NAALADL2: variants seen among roughly 807,000 people sequenced by gnomAD.
The protein encoded by NAALADL2 is inactive N-acetylated-alpha-linked acidic dipeptidase-like protein 2.
In NAALADL2, 76 loss-of-function variants were observed where a neutral mutation model predicts 87.2. The ratio of observed to expected loss-of-function variants is 0.87; its 90% confidence interval spans 0.72 to 1.05. The LOEUF (loss-of-function observed/expected upper bound fraction) is 1.05. Among genes scored for constraint, NAALADL2 ranks in the 50% least tolerant of loss-of-function variants. NAALADL2 has a pLI of 0.00. For synonymous variants in NAALADL2, 354 were observed against 331.0 expected (o/e 1.07, Z -0.75); for missense variants, 1,089 against 945.8 (o/e 1.15, Z -1.99).
intron 1 of NAALADL2, among the ~76,000 whole-genome samples, chr3:174,915,242 G>C (rs1405095821): frequency 6.6e-6 from 1 of 152,100 alleles, no homozygotes; most frequent in Non-Finnish European, 1.5e-5. Flanking sequence ...CAGAGGAGGT[G>C]TCATATTGTC....
At chr3:174,887,386 C>T (rs896478136) in intron 1 of NAALADL2, among the ~76,000 whole-genome samples, 6 of 130,792 alleles carry the variant, frequency 4.6e-5, no homozygotes, top group Non-Finnish European at 1.1e-4. Context: ...TGGTATTAAT[C>T]AATTATATAT....
At chr3:175,571,000 A>G (rs957297956) in intron 9 of NAALADL2, among the ~76,000 whole-genome samples, 1 of 152,076 alleles carries the variant, frequency 6.6e-6, no homozygotes, top group Non-Finnish European at 1.5e-5. Context: ...TTTCCTGTGC[A>G]TGTAGAGTAA....
At chr3:174,712,146 CAT>C (rs757896823) in intron 2 of NAALADL2, among the ~76,000 whole-genome samples, 1 of 152,072 alleles carries the variant, frequency 6.6e-6, no homozygotes, top group Non-Finnish European at 1.5e-5. Flanking sequence ...TGTCCCCAAA[CAT>C]AAACTCATTA....
intron 1 of NAALADL2, among the ~76,000 whole-genome samples, chr3:174,942,108 T>C (rs1422122904): frequency 1.3e-5 from 2 of 151,948 alleles, no homozygotes; most frequent in African/African-American, 2.4e-5. Flanking sequence ...TCTGTGTGTT[T>C]ATGCAAGTTT....
chr3:174,765,662 G>C (rs908482451), intron 3 of NAALADL2, among the ~76,000 whole-genome samples: 5 of 151,990 alleles, frequency 3.3e-5, no homozygotes, highest in African/African-American at 1.2e-4. Flanking sequence ...TTTGAATACA[G>C]GATTTATTTT....
chr3:175,358,123 T>A (rs1764589546), intron 5 of NAALADL2, among the ~76,000 whole-genome samples: 1 of 152,174 alleles, frequency 6.6e-6, no homozygotes, highest in Non-Finnish European at 1.5e-5. Flanking sequence ...TTTCATAAAG[T>A]TCATAGAGCT....
At chr3:175,476,200 T>C (rs1456120115) in intron 9 of NAALADL2, among the ~76,000 whole-genome samples, 1 of 152,174 alleles carries the variant, frequency 6.6e-6, no homozygotes. Context: ...AGCTCCTAAC[T>C]TGTCTATAGT....
intron 2 of NAALADL2, among the ~76,000 whole-genome samples, chr3:174,628,230 C>A (rs1721762630): frequency 6.6e-6 from 1 of 152,088 alleles, no homozygotes; most frequent in Non-Finnish European, 1.5e-5. Context: ...GTAATCCCAG[C>A]ACTTTGGGAG....
intron 11 of NAALADL2, among the ~76,000 whole-genome samples, chr3:175,657,049 G>A (rs1046270742): frequency 3.3e-5 from 5 of 152,040 alleles, no homozygotes; most frequent in Non-Finnish European, 7.4e-5. Context: ...GAAAACTAAA[G>A]GATCTATATG....
intron 4 of NAALADL2, among the ~76,000 whole-genome samples, chr3:175,268,942 AT>A (rs71164626): frequency 0.045 from 6,437 of 142,976 alleles, 410 homozygotes; most frequent in African/African-American, 0.15. Context: ...TAACTATTTA[AT>A]TTTTTTTTTT....
chr3:175,126,066 T>C (rs914345276), intron 2 of NAALADL2, among the ~76,000 whole-genome samples: 1 of 152,036 alleles, frequency 6.6e-6, no homozygotes, highest in South Asian at 2.1e-4. Context: ...CATAAAACAA[T>C]GAGATCTGGC....
intron 10 of NAALADL2, among the ~76,000 whole-genome samples, chr3:175,578,570 TTTATTATTAAC>T (rs1235133265): frequency 2.0e-5 from 3 of 152,204 alleles, no homozygotes; most frequent in Non-Finnish European, 4.4e-5. Flanking sequence ...TAAATTAGCT[TTTATTATTAAC>T]TCTGTTCATG....
At chr3:175,143,933 G>T (rs565614790) in intron 2 of NAALADL2, among the ~76,000 whole-genome samples, 2 of 151,722 alleles carry the variant, frequency 1.3e-5, no homozygotes, top group Non-Finnish European at 2.9e-5. Context: ...ATACATTATT[G>T]TAGAAACAAT....
At chr3:175,069,968 C>T (rs2109139648) in intron 1 of NAALADL2, among the ~76,000 whole-genome samples, 1 of 144,680 alleles carries the variant, frequency 6.9e-6, no homozygotes, top group East Asian at 2.1e-4. Context: ...ACAATGAGAA[C>T]ACATGGACAC....
intron 11 of NAALADL2, among the ~76,000 whole-genome samples, chr3:175,644,520 G>T (rs1012788028): frequency 1.3e-5 from 2 of 151,880 alleles, no homozygotes; most frequent in African/African-American, 4.8e-5. Context: ...CAATGGTTAT[G>T]CAATAAAGCT....
In NAALADL2 at chr3:175,467,149, G is replaced by A. The variant is rs1183041032; in HGVS notation, c.1498G>A (p.Ala500Thr). The A allele has an allele frequency of 1.2e-6, 2 of 1,613,736 alleles. No homozygotes were observed. Among genetic ancestry groups the A allele is most frequent in the African/African-American group, 2.7e-5 (2 of 74,916 alleles). Residue 500 changes from alanine (A) to threonine (T), a missense_variant, in exon 8 of 14, where the codon GCT becomes ACT. Physicochemically the swap from Ala to Thr is moderately conservative, Grantham distance 58. Coordinates refer to ENST00000454872, the MANE Select transcript of NAALADL2 (RefSeq NM_207015.3). ...TIVFCSWGGTAFGNIGSYEWG... is the reference protein window; with the variant it reads ...TIVFCSWGGTTFGNIGSYEWG... ...TGTTTTCTGTTCTTGGGGAGGAACA[G>A]CTTTTGGCAATATTGGCTCATATGA...
intron 2 of NAALADL2, among the ~76,000 whole-genome samples, chr3:174,678,175 T>C (rs1727216756): frequency 6.6e-6 from 1 of 152,128 alleles, no homozygotes; most frequent in African/African-American, 2.4e-5. Flanking sequence ...CACACTACCT[T>C]GCATGAGAAT....
At chr3:175,193,178 C>T (rs1312874277) in intron 2 of NAALADL2, among the ~76,000 whole-genome samples, 2 of 151,512 alleles carry the variant, frequency 1.3e-5, no homozygotes, top group African/African-American at 4.9e-5. Flanking sequence ...ATGTTAGAAG[C>T]CCTACATAGA....
intron 2 of NAALADL2, among the ~76,000 whole-genome samples, chr3:174,698,870 G>GAAAAAAAAAAAAAAAAAAAAAAAAA (rs1008476334): frequency 1.2e-5 from 1 of 83,032 alleles, no homozygotes; most frequent in African/African-American, 8.4e-5. Context: ...TCTCAAAGAA[G>GAAAAAAAAAAAAAAAAAAAAAAAAA]AAAAAAAAAA....
Sources: gnomAD v4.1 joint callset for allele counts (sites outside exome capture counted in the v4.1 genomes callset) on GRCh38, gnomAD v4.1.1 for gene constraint, MANE v1.5 for transcripts, NCBI Gene and HGNC (gene_info 2026-07-23, HGNC 2026-07-21) for gene names.